Variants in SIRPD observed in about 807,000 individuals in gnomAD.
SIRPD encodes signal regulatory protein delta.
In SIRPD, 21 loss-of-function variants were observed where a neutral mutation model predicts 18.0. That is an observed-to-expected ratio of 1.17 (90% confidence interval 0.83 to 1.68). SIRPD has a LOEUF of 1.68. Ranked by LOEUF, SIRPD falls within the 40% of genes most tolerant of loss-of-function variation. The pLI, the probability that SIRPD is intolerant of heterozygous loss-of-function variation, is 0.00. For synonymous variants in SIRPD, 106 were observed against 92.9 expected (o/e 1.14, Z -0.81); for missense variants, 295 against 238.4 (o/e 1.24, Z -1.56).
chr20:1,550,711 T>C (rs1274164723), intron 2 of SIRPD, among the ~76,000 whole-genome samples: 4 of 152,196 alleles, frequency 2.6e-5, no homozygotes, highest in Non-Finnish European at 5.9e-5. Flanking sequence ...CATACTGGAC[T>C]GGGCCCAGAC....
rs560184938 is a variant in SIRPD, at chr20:1,536,027, C to G, written c.577+1128G>C. On this transcript the variant is annotated intron_variant, in intron 3 of 3. Transcript: ENST00000381623. ...CTTTCAGTTCCTTCTTCTACCAAGCCTGATGGACCTTTCTCAGTTCCCATG... is the reference window on the plus strand; with the variant it reads ...CTTTCAGTTCCTTCTTCTACCAAGCGTGATGGACCTTTCTCAGTTCCCATG... 1.4e-4 allele frequency among the ~76,000 whole-genome samples: 22 copies of G among 152,308 alleles called. No individual in the cohort carries two copies. In the South Asian group the frequency reaches 3.1e-3, roughly 22 times the overall value.
At chr20:1,536,788 C>A (rs2090947374) in intron 3 of SIRPD, among the ~76,000 whole-genome samples, 1 of 152,142 alleles carries the variant, frequency 6.6e-6, no homozygotes, top group Non-Finnish European at 1.5e-5. Flanking sequence ...TCAAATGCTG[C>A]TCCTCTACTT....
intron 2 of SIRPD, 46 bp downstream of exon 2, chr20:1,551,645 A>G (rs749464189): frequency 7.1e-7 from 1 of 1,416,626 alleles, no homozygotes; most frequent in Non-Finnish European, 9.7e-7. Flanking sequence ...AACTGCTGAG[A>G]TGATATTATA....
At chr20:1,538,411 A>G (rs2090956654) in intron 2 of SIRPD, among the ~76,000 whole-genome samples, 1 of 152,160 alleles carries the variant, frequency 6.6e-6, no homozygotes, top group South Asian at 2.1e-4. Context: ...TTCTAACTCT[A>G]ATCCCTGTCT....
chr20:1,555,191 A>G (rs965819638), intron 1 of SIRPD, among the ~76,000 whole-genome samples: 2 of 152,192 alleles, frequency 1.3e-5, no homozygotes, highest in African/African-American at 2.4e-5. Context: ...GACACCATGG[A>G]TATTATGGTG....
chr20:1,556,153 G>T (rs754416237), intron 1 of SIRPD, among the ~76,000 whole-genome samples: 14 of 152,182 alleles, frequency 9.2e-5, no homozygotes, highest in African/African-American at 3.4e-4. Flanking sequence ...GGGAGACAGT[G>T]CATCACTTTG....
intron 3 of SIRPD, among the ~76,000 whole-genome samples, chr20:1,536,239 TATTA>T (rs2090944700): frequency 6.6e-6 from 1 of 152,306 alleles, no homozygotes; most frequent in East Asian, 1.9e-4. Context: ...AACTTAACTA[TATTA>T]ATTAACTAGT....
Position 1,537,288 on chromosome 20 carries a change from C to A in SIRPD, c.444G>T (p.Lys148Asn). The A allele has an allele frequency of 6.2e-7, 1 of 1,614,036 alleles. No homozygotes were observed. The highest frequency in any genetic ancestry group is 8.5e-7 in the Non-Finnish European group (1 of 1,179,964). Residue 148 changes from lysine to asparagine, a missense_variant, in exon 3 of 4, where the codon AAG becomes AAT. Transcript: ENST00000381623. The stretch of plus-strand genomic sequence containing the variant: ...AGCCTGCTCTGCCTGCAGGTCTGTT[C>A]TTGGGAGGTCTTGGATTCTGCTCTG... ...FVTEQNPRPP[K>N]NRPAGRAGSR...
chr20:1,537,885 C>T (rs1356944552), intron 2 of SIRPD, among the ~76,000 whole-genome samples: 2 of 151,938 alleles, frequency 1.3e-5, no homozygotes, highest in African/African-American at 4.8e-5. Context: ...GTGTGTCAAG[C>T]GGGGGGTGCA....
At chr20:1,552,257 T>C (rs2091022850) in intron 1 of SIRPD, among the ~76,000 whole-genome samples, 1 of 152,176 alleles carries the variant, frequency 6.6e-6, no homozygotes. Flanking sequence ...CTCAGTTCCA[T>C]TCCTCAGCCC....
rs139525892 is a variant in SIRPD, at chr20:1,544,597, G to A, written c.421+7094C>T. Among the ~76,000 whole-genome samples, 1,390 of 152,092 alleles carry A rather than the reference G, an allele frequency of 9.1e-3. 22 individuals carry two copies. Among genetic ancestry groups the A allele is most frequent in the African/African-American group, 0.033 (1,357 of 41,504 alleles). ...ATTTGCCAGTCTGTGTCTTTTAATT[G>A]GGGCATTTAGCCCATTTACATTTAA... is the stretch of plus-strand genomic sequence containing the variant. On this transcript the variant is annotated intron_variant, in intron 2 of 3. Coordinates refer to ENST00000381623, the MANE Select transcript of SIRPD (RefSeq NM_178460.3).
chr20:1,538,773 C>G (rs1029165989), intron 2 of SIRPD, among the ~76,000 whole-genome samples: 1 of 152,170 alleles, frequency 6.6e-6, no homozygotes, highest in African/African-American at 2.4e-5. Flanking sequence ...AATCATCAGA[C>G]ATGTAAAAGA....
intron 3 of SIRPD, 85 bp from the exon 4 acceptor site, chr20:1,534,526 T>C: frequency 1.5e-6 from 2 of 1,372,876 alleles, no homozygotes; most frequent in Non-Finnish European, 2.0e-6. Flanking sequence ...AATATTAGCT[T>C]AGCAAACATG....
chr20:1,538,332 T>A (rs1416967138), intron 2 of SIRPD, among the ~76,000 whole-genome samples: 1 of 152,172 alleles, frequency 6.6e-6, no homozygotes, highest in African/African-American at 2.4e-5. Flanking sequence ...TTCTAGCTTG[T>A]TAAACATTTT....
At position 1,548,859 on chromosome 20, in the gene SIRPD, G is replaced by A. The variant is rs60811618; in HGVS notation, c.421+2832C>T. ...ATTTGAGTTTCCTTTTTCAGTCTCCGGTCCAGCTGACTAAATAGACTTGAG... is the reference window on the plus strand; with the variant it reads ...ATTTGAGTTTCCTTTTTCAGTCTCCAGTCCAGCTGACTAAATAGACTTGAG... On this transcript the variant is annotated intron_variant, in intron 2 of 3. Coordinates refer to ENST00000381623, the MANE Select transcript of SIRPD (RefSeq NM_178460.3). Among the ~76,000 whole-genome samples the A allele has an allele frequency of 9.6e-3, 1,457 of 151,838 alleles. 22 individuals carry two copies. The highest frequency in any genetic ancestry group is 0.033 in the African/African-American group (1,357 of 41,430).
In SIRPD at chr20:1,552,048, A is replaced by G. The variant is rs1177352800; in HGVS notation, c.74-10T>C. ...AACACATGTGTGACTCCTGGAAAAA[A>G]GCTGAAAATCATTTCTCATTTCCCC... On this transcript the variant is annotated splice_polypyrimidine_tract_variant and intron_variant, in intron 1 of 3. Transcript: ENST00000381623. 6.2e-7 allele frequency: 1 copy of G among 1,607,104 alleles called. No homozygotes were observed. The highest frequency in any genetic ancestry group is 1.3e-5 in the African/African-American group (1 of 74,710).
intron 1 of SIRPD, among the ~76,000 whole-genome samples, chr20:1,555,669 A>T (rs2091037329): frequency 6.6e-6 from 1 of 152,234 alleles, no homozygotes; most frequent in African/African-American, 2.4e-5. Flanking sequence ...TACACCTTTA[A>T]AAACAAATAA....
At chr20:1,535,647 C>A (rs1376029801) in intron 3 of SIRPD, among the ~76,000 whole-genome samples, 1 of 152,290 alleles carries the variant, frequency 6.6e-6, no homozygotes, top group Admixed American at 6.5e-5. Context: ...TGACCTTGAA[C>A]ATCTCAGCCT....
At chr20:1,542,175 A>G (rs917848850) in intron 2 of SIRPD, among the ~76,000 whole-genome samples, 3 of 152,156 alleles carry the variant, frequency 2.0e-5, no homozygotes, top group African/African-American at 7.2e-5. Flanking sequence ...TAATTCTGTG[A>G]AAAAAGTCAA....
Sources: allele counts gnomAD v4.1 joint callset (sites outside exome capture counted in the v4.1 genomes callset), GRCh38; gene constraint gnomAD v4.1.1; transcripts MANE v1.5; gene names NCBI Gene and HGNC (gene_info 2026-07-23, HGNC 2026-07-21).